Variants in TMEM132D observed in about 807,000 individuals in gnomAD.
The protein encoded by TMEM132D is transmembrane protein 132D.
A neutral mutation model predicts 62.3 loss-of-function variants in TMEM132D; 21 were observed. The ratio of observed to expected loss-of-function variants is 0.34; its 90% CI spans 0.24 to 0.49. The LOEUF (loss-of-function observed/expected upper bound fraction) is 0.49. Among genes scored for constraint, TMEM132D ranks in the 20% least tolerant of loss-of-function variants. The pLI is 0.99. For missense variants in TMEM132D, 1,346 were observed against 1,402.8 expected, an observed-to-expected ratio of 0.96 and a Z score of 0.65; for synonymous variants, 621 against 575.6, an observed-to-expected ratio of 1.08 and a Z score of -1.13.
At chr12:129,102,777 C>T (rs541809830) in intron 5 of TMEM132D, among the ~76,000 whole-genome samples, 2 of 152,300 alleles carry the variant, frequency 1.3e-5, no homozygotes, top group South Asian at 4.1e-4. Flanking sequence ...CGACCCTGAA[C>T]CAGCTGCAAA....
chr12:129,758,919 A>AATTT (rs1334234941), intron 1 of TMEM132D, among the ~76,000 whole-genome samples: 1 of 151,308 alleles, frequency 6.6e-6, no homozygotes, highest in Non-Finnish European at 1.5e-5. Flanking sequence ...GTGTGTGTTT[A>AATTT]ATTTCTTTCT....
intron 1 of TMEM132D, among the ~76,000 whole-genome samples, chr12:129,703,431 T>C (rs963134869): frequency 2.6e-5 from 4 of 151,302 alleles, no homozygotes; most frequent in African/African-American, 4.9e-5. Context: ...TTAAAATTGC[T>C]CCATTTTGAC....
intron 6 of TMEM132D, among the ~76,000 whole-genome samples, chr12:129,083,542 G>A (rs1262092676): frequency 6.6e-6 from 1 of 152,168 alleles, no homozygotes; most frequent in African/African-American, 2.4e-5. Flanking sequence ...CATTGCTGAA[G>A]CCAGCTCCCA....
At chr12:129,730,734 G>A (rs527508316) in intron 1 of TMEM132D, among the ~76,000 whole-genome samples, 1 of 151,900 alleles carries the variant, frequency 6.6e-6, no homozygotes, top group Admixed American at 6.6e-5. Context: ...AGCACGGCTG[G>A]GATAAAAACA....
rs2135606526 is a variant in TMEM132D, at chr12:129,277,844, C to A, written c.1299+59790G>T. ...AAAATACTGACCCAGAGGATGGATC[C>A]TTAGGCTTAAGAACTCCCTGGTTCA... On this transcript the variant is annotated intron_variant, in intron 4 of 8. Coordinates refer to ENST00000422113, the MANE Select transcript of TMEM132D (RefSeq NM_133448.3). This position sits in a 1 kb window ranked among gnomAD's most constrained non-coding sequence, Gnocchi z 4.2. 6.6e-6 allele frequency among the ~76,000 whole-genome samples: 1 copy of A among 152,246 alleles called. No homozygotes were observed. Among genetic ancestry groups the A allele is most frequent in the Non-Finnish European group, 1.5e-5 (1 of 68,028 alleles).
chr12:129,575,131 C>A (rs1877624305), intron 2 of TMEM132D, among the ~76,000 whole-genome samples: 1 of 151,796 alleles, frequency 6.6e-6, no homozygotes, highest in South Asian at 2.1e-4. Context: ...GGCCCTCAAT[C>A]CCCTAGACCC....
At chr12:129,819,226 T>C (rs61942094) in intron 1 of TMEM132D, among the ~76,000 whole-genome samples, 98,905 of 143,000 alleles carry the variant, frequency 0.69, 33,103 homozygotes, top group Non-Finnish European at 0.77. Context: ...CCCTTCTACC[T>C]ACCCCACAGT....
At chr12:129,155,423 A>C (rs1465068551) in intron 5 of TMEM132D, among the ~76,000 whole-genome samples, 1 of 152,218 alleles carries the variant, frequency 6.6e-6, no homozygotes, top group Non-Finnish European at 1.5e-5. Flanking sequence ...AAATGTTGTG[A>C]ATATTGTCAT....
At chr12:129,430,002 T>A (rs145930020) in intron 3 of TMEM132D, among the ~76,000 whole-genome samples, 2,158 of 152,140 alleles carry the variant, frequency 0.014, 86 homozygotes, top group Admixed American at 0.077. Flanking sequence ...TTTGGGTTAG[T>A]TCCAAGTCTC....
chr12:129,426,524 C>T (rs1351954818), intron 3 of TMEM132D, among the ~76,000 whole-genome samples: 1 of 152,162 alleles, frequency 6.6e-6, no homozygotes, highest in African/African-American at 2.4e-5. Flanking sequence ...CATCTTCAGG[C>T]TCCAAAGGTC....
At chr12:129,524,127 T>C (rs373824669) in intron 3 of TMEM132D, among the ~76,000 whole-genome samples, 1 of 152,068 alleles carries the variant, frequency 6.6e-6, no homozygotes, top group East Asian at 1.9e-4. Context: ...ATATACCTAA[T>C]GCTAAATGAC....
At chr12:129,084,856 A>G in intron 5 of TMEM132D, 154 bp from the exon 6 acceptor site, 1 of 641,284 alleles carries the variant, frequency 1.6e-6, no homozygotes, top group Non-Finnish European at 2.7e-6. Context: ...TGGAGCAGAC[A>G]TTGGGTGTTG....
chr12:129,637,134 C>T (rs551366927), intron 2 of TMEM132D, among the ~76,000 whole-genome samples: 43 of 152,266 alleles, frequency 2.8e-4, no homozygotes, highest in African/African-American at 9.1e-4. Flanking sequence ...CCTACAACTG[C>T]TTTTTTCTTA....
At chr12:129,842,528 G>A (rs1035002683) in intron 1 of TMEM132D, among the ~76,000 whole-genome samples, 5 of 151,946 alleles carry the variant, frequency 3.3e-5, no homozygotes, top group African/African-American at 4.8e-5. Context: ...GAGTGCAGTA[G>A]TGTGATCTTA....
chr12:129,357,946 C>T (rs1372066322), intron 3 of TMEM132D, among the ~76,000 whole-genome samples: 1 of 152,200 alleles, frequency 6.6e-6, no homozygotes, highest in African/African-American at 2.4e-5. Context: ...TCCTCTTGGA[C>T]ATTATCACAG....
rs1253234057 is a variant in TMEM132D at position 129,700,006 on chromosome 12, C to G, written c.772G>C (p.Asp258His). 6.2e-7 allele frequency: 1 copy of G among 1,614,064 alleles called. No individual in the cohort carries two copies. Among genetic ancestry groups the G allele is most frequent in the Non-Finnish European group, 8.5e-7 (1 of 1,180,040 alleles). ...CTCTGCAAGGGGGGCCCGGACTCAT[C>G]GATGTCACTGTGGCCTGTCCGGATC... is the stretch of plus-strand genomic sequence containing the variant. ...NGIRTGHSDI[D>H]ESGPPLQRIG... The change falls in exon 2 of 9, where the codon GAT becomes CAT. Residue 258 changes from aspartate (D) to histidine (H), a missense_variant. Asp to His is a moderately conservative substitution (Grantham distance 81). Coordinates refer to ENST00000422113, the MANE Select transcript of TMEM132D (RefSeq NM_133448.3).
intron 1 of TMEM132D, among the ~76,000 whole-genome samples, chr12:129,737,933 C>G (rs1348566124): frequency 6.6e-6 from 1 of 152,218 alleles, no homozygotes; most frequent in Non-Finnish European, 1.5e-5. Flanking sequence ...GGCAATGCCA[C>G]AAAGACTCAC....
intron 3 of TMEM132D, among the ~76,000 whole-genome samples, chr12:129,476,977 G>A (rs1279899796): frequency 2.6e-5 from 4 of 152,108 alleles, no homozygotes; most frequent in Admixed American, 2.6e-4. Context: ...CTTTTATAAA[G>A]GATAAACAAC....
intron 3 of TMEM132D, among the ~76,000 whole-genome samples, chr12:129,422,328 AAGAAG>A (rs762044869): frequency 1.1e-4 from 16 of 152,224 alleles, no homozygotes; most frequent in Admixed American, 9.2e-4. Flanking sequence ...CTCACATAAT[AAGAAG>A]AGAACACCTC....
Sources: allele counts gnomAD v4.1 joint callset (sites outside exome capture counted in the v4.1 genomes callset), GRCh38; gene constraint gnomAD v4.1.1; non-coding constraint Gnocchi (gnomAD v3.1); transcripts MANE v1.5; gene names NCBI Gene and HGNC (gene_info 2026-07-23, HGNC 2026-07-21).